CACNA2D1: variants seen among roughly 807,000 people sequenced by gnomAD.
CACNA2D1 encodes calcium voltage-gated channel auxiliary subunit alpha2delta 1, also known as voltage-dependent calcium channel subunit alpha-2/delta-1.
A neutral mutation model predicts 171.5 loss-of-function variants in CACNA2D1; 53 were observed. The ratio of observed to expected loss-of-function variants is 0.31; its 90% CI spans 0.25 to 0.39. The LOEUF (loss-of-function observed/expected upper bound fraction) is 0.39, where lower values mean the gene tolerates loss of function less well. Ranked by LOEUF, CACNA2D1 falls within the 10% of genes least tolerant of loss-of-function variation. CACNA2D1 has a pLI of 1.00. For missense variants in CACNA2D1, 903 were observed against 1,299.8 expected, an observed-to-expected ratio of 0.69 and a Z score of 4.69; for synonymous variants, 442 against 443.1, an observed-to-expected ratio of 1.00 and a Z score of 0.03.
At position 82,443,387 on chromosome 7, in the gene CACNA2D1, C is replaced by T. The variant is rs1400623562; in HGVS notation, c.73G>A (p.Glu25Lys). ...QSLLIGPSSE[E>K]PFPSAVTIKS... Reference sequence around the variant, plus strand: ...TACGTGACGGCCGAAGGGAACGGCTCCTCCGACGAGGGGCCGATGAGCAAA... The same window carrying T: ...TACGTGACGGCCGAAGGGAACGGCTTCTCCGACGAGGGGCCGATGAGCAAA... Residue 25 changes from glutamate (E) to lysine (K), a missense_variant, in exon 1 of 39, where the codon GAG (glutamate) becomes AAG (lysine). By Grantham distance (56) the Glu-to-Lys change is moderately conservative (BLOSUM62 1). Coordinates refer to ENST00000356860, the MANE Select transcript of CACNA2D1 (RefSeq NM_000722.4). 3 of 1,604,540 alleles carry T rather than the reference C, an allele frequency of 1.9e-6. No individual in the cohort carries two copies. Among genetic ancestry groups the T allele is most frequent in the Non-Finnish European group, 2.6e-6 (3 of 1,175,518 alleles).
At chr7:82,186,230 A>AGAAG (rs1158760300) in intron 3 of CACNA2D1, among the ~76,000 whole-genome samples, 7 of 108,442 alleles carry the variant, frequency 6.5e-5, no homozygotes, top group African/African-American at 2.6e-4. Flanking sequence ...AGAGAGAGAG[A>AGAAG]GAAGGAAGGA....
At chr7:82,233,709 A>G (rs1233314563) in intron 3 of CACNA2D1, among the ~76,000 whole-genome samples, 1 of 152,034 alleles carries the variant, frequency 6.6e-6, no homozygotes, top group East Asian at 1.9e-4. Context: ...CCACATCAAA[A>G]CTAAAAAGAT....
intron 3 of CACNA2D1, among the ~76,000 whole-genome samples, chr7:82,296,254 T>TAAA (rs1195272716): frequency 6.7e-6 from 1 of 150,144 alleles, no homozygotes; most frequent in Non-Finnish European, 1.5e-5. Context: ...AAACTTAAAG[T>TAAA]ATAATAATAA....
At chr7:82,223,268 A>G (rs758781591) in intron 3 of CACNA2D1, among the ~76,000 whole-genome samples, 6 of 152,170 alleles carry the variant, frequency 3.9e-5, no homozygotes. Flanking sequence ...TTCTAAAAGA[A>G]GTTTTGTACT....
chr7:82,129,162 C>T (rs1271990211), intron 5 of CACNA2D1, among the ~76,000 whole-genome samples: 1 of 152,142 alleles, frequency 6.6e-6, no homozygotes, highest in Non-Finnish European at 1.5e-5. Flanking sequence ...CCTAAGCAAC[C>T]AAACTAAATA....
chr7:82,374,439 A>G (rs1223016682), intron 1 of CACNA2D1, among the ~76,000 whole-genome samples: 1 of 152,186 alleles, frequency 6.6e-6, no homozygotes, highest in Non-Finnish European at 1.5e-5. Context: ...AGAGAAATGT[A>G]CAAATGGATC....
intron 1 of CACNA2D1, among the ~76,000 whole-genome samples, chr7:82,375,743 G>A (rs573771186): frequency 1.3e-5 from 2 of 152,272 alleles, no homozygotes; most frequent in East Asian, 3.9e-4. Context: ...TTAGCACAGT[G>A]CTTAGTAAAT....
intron 5 of CACNA2D1, among the ~76,000 whole-genome samples, chr7:82,120,417 T>C (rs909432710): frequency 1.3e-5 from 2 of 152,212 alleles, no homozygotes; most frequent in African/African-American, 2.4e-5. Flanking sequence ...ATTACTATCC[T>C]CAATATCAAT....
At chr7:82,322,150 A>G (rs1327400386) in intron 3 of CACNA2D1, among the ~76,000 whole-genome samples, 2 of 149,276 alleles carry the variant, frequency 1.3e-5, no homozygotes, top group African/African-American at 2.4e-5. Context: ...AAAAAAAAAA[A>G]AAAACAAGCT....
chr7:82,279,358 A>G (rs1384439770), intron 3 of CACNA2D1, among the ~76,000 whole-genome samples: 2 of 152,178 alleles, frequency 1.3e-5, no homozygotes, highest in East Asian at 1.9e-4. Context: ...TACAAGTGGT[A>G]TAGCCCACTT....
intron 10 of CACNA2D1, among the ~76,000 whole-genome samples, chr7:82,053,270 TTAAA>T (rs1334606475): frequency 1.0e-5 from 1 of 96,396 alleles, no homozygotes; most frequent in African/African-American, 3.8e-5. Context: ...AAAAAAAAAA[TTAAA>T]TAATTACCTA....
At chr7:81,961,774 C>T (rs1230713137) in intron 36 of CACNA2D1, 120 bp downstream of exon 36, 41 of 893,014 alleles carry the variant, frequency 4.6e-5, no homozygotes, top group Non-Finnish European at 6.3e-5. Flanking sequence ...ATCTCTGACT[C>T]CAACACAATT....
At chr7:82,065,293 A>G (rs1192006156) in intron 8 of CACNA2D1, among the ~76,000 whole-genome samples, 3 of 152,150 alleles carry the variant, frequency 2.0e-5, no homozygotes, top group Non-Finnish European at 2.9e-5. Context: ...GCAGAGTGGC[A>G]GGTGAATTTT....
intron 3 of CACNA2D1, among the ~76,000 whole-genome samples, chr7:82,199,905 T>A (rs1014539760): frequency 6.6e-6 from 1 of 152,026 alleles, no homozygotes; most frequent in African/African-American, 2.4e-5. Flanking sequence ...AAGAAGAAAT[T>A]CTTGCCACAC....
intron 38 of CACNA2D1, among the ~76,000 whole-genome samples, chr7:81,951,975 T>G (rs1186389664): frequency 2.7e-5 from 4 of 147,466 alleles, no homozygotes; most frequent in African/African-American, 1.0e-4. Context: ...AAGTGTTTTT[T>G]TTTTTTTTTT....
chr7:82,405,102 A>G (rs866994772), intron 1 of CACNA2D1, among the ~76,000 whole-genome samples: 2 of 152,124 alleles, frequency 1.3e-5, no homozygotes, highest in African/African-American at 4.8e-5. Flanking sequence ...TATTCTCTTT[A>G]TCATTTTTAA....
intron 3 of CACNA2D1, among the ~76,000 whole-genome samples, chr7:82,173,317 G>T (rs1176699786): frequency 6.6e-6 from 1 of 151,936 alleles, no homozygotes; most frequent in Non-Finnish European, 1.5e-5. Flanking sequence ...GCCCTGTATT[G>T]CAAGACTCTG....
intron 7 of CACNA2D1, among the ~76,000 whole-genome samples, chr7:82,083,782 C>T (rs1810100728): frequency 6.6e-6 from 1 of 152,060 alleles, no homozygotes; most frequent in African/African-American, 2.4e-5. Flanking sequence ...TCCATTGATA[C>T]CCAGATACTT....
chr7:82,184,169 C>CTTTTTTT (rs72155870), intron 3 of CACNA2D1, among the ~76,000 whole-genome samples: 12 of 127,422 alleles, frequency 9.4e-5, no homozygotes, highest in African/African-American at 1.2e-4. Flanking sequence ...TCGGTTTCCT[C>CTTTTTTT]TTTTTTTTTT....
Sources: allele counts gnomAD v4.1 joint callset (sites outside exome capture counted in the v4.1 genomes callset), GRCh38; gene constraint gnomAD v4.1.1; transcripts MANE v1.5; gene names NCBI Gene and HGNC (gene_info 2026-07-23, HGNC 2026-07-21).